The following DLG2 variants were observed in gnomAD, a reference collection of about 807,000 sequenced individuals.
The protein encoded by DLG2 is discs large MAGUK scaffold protein 2, also known as disks large homolog 2.
In DLG2, 45 loss-of-function variants were observed where a neutral mutation model predicts 132.5. That is an observed-to-expected ratio of 0.34 (90% CI 0.27 to 0.44). DLG2 has a LOEUF of 0.44. Among genes scored for constraint, DLG2 ranks in the 20% least tolerant of loss-of-function variants. The pLI, the probability that DLG2 is intolerant of heterozygous loss-of-function variation, is 1.00. For missense variants in DLG2, 1,045 were observed against 1,196.9 expected, an observed-to-expected ratio of 0.87 and a Z score of 1.87; for synonymous variants, 424 against 419.6, an observed-to-expected ratio of 1.01 and a Z score of -0.13.
At position 85,390,966 on chromosome 11, in the gene DLG2, C is replaced by CA. The variant is rs570890404; in HGVS notation, c.41-105602dup. ...AGAGCAGAACTAAATGAAATTGAAA[C>CA]AAAAAACTGCAAATGATATATGAAA... is the stretch of plus-strand genomic sequence containing the variant. On this transcript the variant is annotated intron_variant, in intron 3 of 27. Transcript: ENST00000376104. Among the ~76,000 whole-genome samples the CA allele has an allele frequency of 1.8e-3, 267 of 151,396 alleles. 1 individual carries two copies. The highest frequency in any genetic ancestry group is 6.2e-3 in the African/African-American group (257 of 41,362).
chr11:83,598,642 A>G (rs1431249800), intron 19 of DLG2, among the ~76,000 whole-genome samples: 13 of 152,212 alleles, frequency 8.5e-5, no homozygotes, highest in Non-Finnish European at 1.2e-4. Flanking sequence ...AATACTAGCT[A>G]CTTAATAAAC....
chr11:84,750,901 C>T (rs971020487), intron 6 of DLG2, among the ~76,000 whole-genome samples: 1 of 152,122 alleles, frequency 6.6e-6, no homozygotes, highest in Non-Finnish European at 1.5e-5. Flanking sequence ...ATTAACACTT[C>T]CCAGTGGTTT....
intron 6 of DLG2, among the ~76,000 whole-genome samples, chr11:85,043,829 T>C (rs1185912909): frequency 6.6e-6 from 1 of 151,996 alleles, no homozygotes; most frequent in Non-Finnish European, 1.5e-5. Context: ...CCCAAATATG[T>C]GCTCAATCTT....
intron 6 of DLG2, among the ~76,000 whole-genome samples, chr11:84,836,722 T>A (rs904946530): frequency 1.1e-4 from 17 of 152,004 alleles, no homozygotes; most frequent in South Asian, 4.1e-4. Flanking sequence ...CTTTTATATG[T>A]TCTATTTCTA....
chr11:84,158,306 G>A (rs778672471), intron 9 of DLG2, among the ~76,000 whole-genome samples: 44 of 152,028 alleles, frequency 2.9e-4, no homozygotes, highest in East Asian at 7.7e-4. Context: ...CTCGTGATCC[G>A]CCCAGCTTGG....
At chr11:83,805,693 T>A (rs1184546921) in intron 17 of DLG2, among the ~76,000 whole-genome samples, 1 of 152,188 alleles carries the variant, frequency 6.6e-6, no homozygotes, top group African/African-American at 2.4e-5. Flanking sequence ...CAGATGCTCA[T>A]ATTCATCTGT....
chr11:84,829,752 A>C (rs2078785954), intron 6 of DLG2, among the ~76,000 whole-genome samples: 1 of 151,664 alleles, frequency 6.6e-6, no homozygotes, highest in African/African-American at 2.4e-5. Context: ...GCCTTCAATA[A>C]GTGCTAGTTA....
At chr11:85,408,903 T>C (rs1381107912) in intron 3 of DLG2, among the ~76,000 whole-genome samples, 1 of 151,902 alleles carries the variant, frequency 6.6e-6, no homozygotes, top group African/African-American at 2.4e-5. Context: ...GTCCTTTGGG[T>C]ATATACCCAG....
At chr11:83,760,671 T>C (rs2093865596) in intron 18 of DLG2, among the ~76,000 whole-genome samples, 1 of 152,044 alleles carries the variant, frequency 6.6e-6, no homozygotes, top group Non-Finnish European at 1.5e-5. Context: ...TCTCCATCTA[T>C]TCTAAAAACA....
chr11:83,951,848 T>G (rs1266842839), intron 14 of DLG2, among the ~76,000 whole-genome samples: 1 of 152,176 alleles, frequency 6.6e-6, no homozygotes, highest in Non-Finnish European at 1.5e-5. Context: ...AGGGAGCTAT[T>G]GCAATAATTA....
intron 3 of DLG2, among the ~76,000 whole-genome samples, chr11:85,471,643 G>T (rs942146796): frequency 1.3e-5 from 2 of 152,064 alleles, no homozygotes; most frequent in African/African-American, 4.8e-5. Flanking sequence ...TTCCCATGCA[G>T]AATACAATAC....
intron 7 of DLG2, among the ~76,000 whole-genome samples, chr11:84,352,411 G>A (rs2098582161): frequency 1.3e-5 from 2 of 152,166 alleles, no homozygotes; most frequent in Admixed American, 1.3e-4. Context: ...GTGAAGAGGG[G>A]AACGATAGAA....
chr11:84,916,891 T>G (rs978505517), intron 6 of DLG2, among the ~76,000 whole-genome samples: 4 of 152,194 alleles, frequency 2.6e-5, no homozygotes, highest in African/African-American at 4.8e-5. Context: ...TTCTGCTACC[T>G]TTTCCAACAT....
intron 6 of DLG2, among the ~76,000 whole-genome samples, chr11:84,950,512 G>T (rs1270049793): frequency 6.6e-6 from 1 of 152,088 alleles, no homozygotes; most frequent in Non-Finnish European, 1.5e-5. Flanking sequence ...CACATATGCA[G>T]CTACACTTTA....
intron 5 of DLG2, among the ~76,000 whole-genome samples, chr11:85,133,940 ATC>A (rs1362295077): frequency 1.3e-5 from 2 of 151,978 alleles, no homozygotes; most frequent in South Asian, 4.2e-4. Flanking sequence ...TTTTCCCATC[ATC>A]TTAGACACAC....
chr11:84,907,778 T>C (rs944429224), intron 6 of DLG2, among the ~76,000 whole-genome samples: 3 of 152,112 alleles, frequency 2.0e-5, no homozygotes, highest in Non-Finnish European at 2.9e-5. Context: ...CCCAAGACAA[T>C]ATAAATATTG....
At chr11:84,879,178 A>T (rs1280215248) in intron 6 of DLG2, among the ~76,000 whole-genome samples, 2 of 151,974 alleles carry the variant, frequency 1.3e-5, no homozygotes, top group Admixed American at 1.3e-4. Flanking sequence ...TCTGTCAATC[A>T]CTCTAATGGC....
At chr11:84,071,593 C>T (rs926728999) in intron 10 of DLG2, among the ~76,000 whole-genome samples, 3 of 152,120 alleles carry the variant, frequency 2.0e-5, no homozygotes, top group Admixed American at 6.5e-5. Flanking sequence ...TGTCAATCAC[C>T]TAGATTCTGG....
At chr11:85,549,722 T>C (rs879894983) in intron 3 of DLG2, among the ~76,000 whole-genome samples, 3 of 152,058 alleles carry the variant, frequency 2.0e-5, no homozygotes, top group Non-Finnish European at 4.4e-5. Flanking sequence ...AAGAAGCTGA[T>C]CAAAACCCAC....
Sources: gnomAD v4.1 joint callset for allele counts (sites outside exome capture counted in the v4.1 genomes callset) on GRCh38, gnomAD v4.1.1 for gene constraint, MANE v1.5 for transcripts, NCBI Gene and HGNC (gene_info 2026-07-23, HGNC 2026-07-21) for gene names.